Variants in KCNC4 observed in about 807,000 individuals in gnomAD.
KCNC4 encodes voltage-gated potassium channel KCNC4.
KCNC4 carries 23 observed loss-of-function variants against 42.8 expected under a neutral mutation model. The observed-to-expected ratio is 0.54, with a 90% CI of 0.39 to 0.76. KCNC4 has a LOEUF of 0.76. Ranked by LOEUF, KCNC4 falls within the 30% of genes least tolerant of loss-of-function variation. The probability of loss-of-function intolerance (pLI) is 0.00; values close to 1 mark genes in which losing one functional copy is unlikely to be tolerated. For synonymous variants in KCNC4, 422 were observed against 393.5 expected, an observed-to-expected ratio of 1.07 and a Z score of -0.86; for missense variants, 751 against 898.2, an observed-to-expected ratio of 0.84 and a Z score of 2.10.
downstream of KCNC4, among the ~76,000 whole-genome samples, chr1:110,252,441 AC>A (rs1659264425): frequency 6.6e-6 from 1 of 152,090 alleles, no homozygotes; most frequent in Admixed American, 6.5e-5. Context: ...GGCCTGGTTA[AC>A]TCACTGGCTC....
chr1:110,278,318 T>C (rs1659761157), intron 1 of KCNC4, among the ~76,000 whole-genome samples: 1 of 152,144 alleles, frequency 6.6e-6, no homozygotes, highest in African/African-American at 2.4e-5. Context: ...TATGAGTCAA[T>C]GGTTTTGAAC....
At chr1:110,252,219 G>A (rs1393897044), downstream of KCNC4, among the ~76,000 whole-genome samples, 1 of 152,196 alleles carries the variant, frequency 6.6e-6, no homozygotes, top group Non-Finnish European at 1.5e-5. Context: ...AGGGAAGGAT[G>A]TCCAGGTTCT....
Position 110,211,431 on chromosome 1 carries a change from C to A in KCNC4, c.-69C>A. The A allele has an allele frequency of 6.6e-7, 1 of 1,513,266 alleles. No individual in the cohort carries two copies. Among genetic ancestry groups the A allele is most frequent in the Non-Finnish European group, 8.9e-7 (1 of 1,126,962 alleles). 93.7% of individuals were successfully genotyped at this position (1,513,266 alleles called of 1,614,324 possible). On this transcript the variant is annotated 5_prime_UTR_variant, in exon 1 of 4. Coordinates refer to ENST00000438661, the MANE Select transcript of KCNC4 (RefSeq NM_001039574.3). The surrounding 1 kb of genome is among the most constrained non-coding windows in gnomAD (Gnocchi z 6.5). ...CGTCTCCTCCCCCTCCCCCGTCTGA[C>A]GCTGCCTCCTCGGGAAGGGTGTTTG...
chr1:110,226,034 A>C lies in KCNC4; in HGVS notation c.1675A>C (p.Thr559Pro). 3.7e-6 allele frequency: 6 copies of C among 1,613,486 alleles called. No homozygotes were observed. The highest frequency in any genetic ancestry group is 5.1e-6 in the Non-Finnish European group (6 of 1,179,722). Reference sequence around the variant, plus strand: ...GTCTGATGAGGAGGGAGCTGGCCTCACCCAACCCCTGGCCTCCTCCCCGAC... The same window carrying C: ...GTCTGATGAGGAGGGAGCTGGCCTCCCCCAACCCCTGGCCTCCTCCCCGAC... ...VLSDEEGAGLTQPLASSPTPE... is the reference protein window; with the variant it reads ...VLSDEEGAGLPQPLASSPTPE... The change falls in exon 3 of 4, where the codon ACC becomes CCC. Residue 559 changes from threonine (T) to proline (P), a missense_variant. Coordinates refer to ENST00000438661, the MANE Select transcript of KCNC4 (RefSeq NM_001039574.3).
intron 1 of KCNC4, 142 bp downstream of exon 1, chr1:110,212,319 C>A (rs1200215043): frequency 2.0e-5 from 18 of 895,250 alleles, no homozygotes; most frequent in East Asian, 1.3e-4. Flanking sequence ...CTCAACCCCC[C>A]TCCGTGGCTC....
chr1:110,266,830 G>A (rs372664762), intron 1 of KCNC4, among the ~76,000 whole-genome samples: 20 of 152,230 alleles, frequency 1.3e-4, no homozygotes, highest in East Asian at 3.9e-4. Context: ...TGTGTTCCCC[G>A]GACCCGAGGA....
At chr1:110,253,869 T>G (rs1035028212), downstream of KCNC4, among the ~76,000 whole-genome samples, 1 of 152,134 alleles carries the variant, frequency 6.6e-6, no homozygotes, top group Non-Finnish European at 1.5e-5. Context: ...GCTGAAGTCC[T>G]GGTCAAGAGA....
intron 1 of KCNC4, among the ~76,000 whole-genome samples, chr1:110,263,805 TC>T (rs1659493523): frequency 7.0e-6 from 1 of 143,688 alleles, no homozygotes; most frequent in Non-Finnish European, 1.5e-5. Context: ...AAAAACAATC[TC>T]TAGCAAGCTT....
chr1:110,266,119 C>T (rs1296104524), intron 1 of KCNC4, among the ~76,000 whole-genome samples: 2 of 152,138 alleles, frequency 1.3e-5, no homozygotes, highest in African/African-American at 2.4e-5. Context: ...TACAATTCAC[C>T]CAATTCCCCC....
chr1:110,258,584 G>A (rs1002958293), intron 1 of KCNC4, among the ~76,000 whole-genome samples: 5 of 152,074 alleles, frequency 3.3e-5, no homozygotes, highest in African/African-American at 4.8e-5. Context: ...TTTCTTCAGC[G>A]TGTATGTGTT....
chr1:110,247,276 G>C (rs1659171183), exon 4 of KCNC4: 1 of 150,308 alleles, frequency 6.7e-6, no homozygotes, highest in Non-Finnish European at 1.5e-5. Flanking sequence ...CACCGAGACT[G>C]GAGTGCAATG....
Position 110,211,467 on chromosome 1 carries a change from G to A in KCNC4, c.-33G>A. The A allele has an allele frequency of 6.3e-7, 1 of 1,582,702 alleles. No individual in the cohort carries two copies. Among genetic ancestry groups the A allele is most frequent in the Non-Finnish European group, 8.6e-7 (1 of 1,160,798 alleles). On this transcript the variant is annotated 5_prime_UTR_variant, in exon 1 of 4. Coordinates refer to ENST00000438661, the MANE Select transcript of KCNC4 (RefSeq NM_001039574.3). The surrounding 1 kb of genome is among the most constrained non-coding windows in gnomAD (Gnocchi z 6.5). Reference sequence around the variant, plus strand: ...CGGGAAGGGTGTTTGGAGGGCAGCGGCCGCCCCAAGCCGGAGCCCCGCAGC... The same window carrying A: ...CGGGAAGGGTGTTTGGAGGGCAGCGACCGCCCCAAGCCGGAGCCCCGCAGC...
intron 1 of KCNC4, among the ~76,000 whole-genome samples, chr1:110,264,230 G>A (rs1011217083): frequency 2.6e-5 from 4 of 152,154 alleles, no homozygotes; most frequent in Non-Finnish European, 5.9e-5. Flanking sequence ...TACAGGCAAA[G>A]TCATAAATCA....
chr1:110,210,870 C>G lies in KCNC4; in HGVS notation c.-630C>G, dbSNP rs933441661. Among the ~76,000 whole-genome samples, 1 of 152,188 alleles carries G rather than the reference C, an allele frequency of 6.6e-6. No individual in the cohort carries two copies. The highest frequency in any genetic ancestry group is 1.5e-5 in the Non-Finnish European group (1 of 68,028). On this transcript the variant is annotated 5_prime_UTR_variant, in exon 1 of 4. Transcript: ENST00000438661. ...CTCTGCCCCGCCTGCCTTCCTCGCC[C>G]GGCGCTGGATTTATGAATGGGGGGA...
chr1:110,232,805 T>C, intron 3 of KCNC4, 106 bp from the exon 4 acceptor site: 1 of 1,546,802 alleles, frequency 6.5e-7, no homozygotes, highest in Non-Finnish European at 8.7e-7. Context: ...TCATTCTTTG[T>C]TTCTCCCTTT....
At chr1:110,218,858 C>T (rs551383780) in intron 1 of KCNC4, among the ~76,000 whole-genome samples, 6 of 152,224 alleles carry the variant, frequency 3.9e-5, no homozygotes, top group Admixed American at 3.9e-4. Flanking sequence ...GAGTTTTCAA[C>T]AGGACACAGG....
chr1:110,264,835 A>T (rs1659510041), intron 1 of KCNC4, among the ~76,000 whole-genome samples: 1 of 152,178 alleles, frequency 6.6e-6, no homozygotes, highest in Admixed American at 6.5e-5. Flanking sequence ...TAATTCCAGC[A>T]CTTTGGGAGG....
At chr1:110,277,470 C>A (rs971113335) in intron 1 of KCNC4, among the ~76,000 whole-genome samples, 2 of 152,224 alleles carry the variant, frequency 1.3e-5, no homozygotes, top group African/African-American at 4.8e-5. Context: ...GATAGCTCAT[C>A]TGCTACCAAC....
intron 1 of KCNC4, among the ~76,000 whole-genome samples, chr1:110,279,901 C>T (rs183793047): frequency 3.4e-5 from 5 of 148,468 alleles, no homozygotes; most frequent in Admixed American, 1.4e-4. Flanking sequence ...CGGATTCAAG[C>T]GATTCTCCTG....
Sources: allele counts gnomAD v4.1 joint callset (sites outside exome capture counted in the v4.1 genomes callset), GRCh38; gene constraint gnomAD v4.1.1; non-coding constraint Gnocchi (gnomAD v3.1); transcripts MANE v1.5; gene names NCBI Gene and HGNC (gene_info 2026-07-23, HGNC 2026-07-21).